SLC44A5: variants seen among roughly 807,000 people sequenced by gnomAD.
SLC44A5 encodes the protein choline transporter-like protein 5.
SLC44A5 carries 57 observed loss-of-function variants against 101.8 expected under a neutral mutation model. The observed-to-expected ratio is 0.56, with a 90% confidence interval of 0.45 to 0.70. SLC44A5 has a LOEUF of 0.70. SLC44A5 is among the 30% of genes least tolerant of loss of function. SLC44A5 has a pLI of 0.00. For missense variants in SLC44A5, 737 were observed against 853.1 expected, an observed-to-expected ratio of 0.86 and a Z score of 1.70; for synonymous variants, 281 against 290.9, an observed-to-expected ratio of 0.97 and a Z score of 0.35.
intron 3 of SLC44A5, among the ~76,000 whole-genome samples, chr1:75,365,381 C>T (rs930680608): frequency 2.6e-5 from 4 of 152,112 alleles, no homozygotes; most frequent in African/African-American, 9.7e-5. Flanking sequence ...TCTAAGTGTT[C>T]TTATCATTTA....
chr1:75,402,022 T>A lies in SLC44A5; in HGVS notation c.14-5401A>T, dbSNP rs372742069. On this transcript the variant is annotated intron_variant, in intron 2 of 23. Coordinates refer to ENST00000370859, the MANE Select transcript of SLC44A5 (RefSeq NM_001130058.2). The stretch of plus-strand genomic sequence containing the variant: ...CACACATGAAGCACCTCACCAAGAG[T>A]GAAGAAAGTTGATAGTTAAGATGAC... 2.8e-4 allele frequency among the ~76,000 whole-genome samples: 42 copies of A among 148,846 alleles called. No individual in the cohort carries two copies. In the South Asian group the frequency reaches 8.9e-3, roughly 31 times the overall value.
At position 75,416,865 on chromosome 1, in the gene SLC44A5, G is replaced by T. The variant is rs138475661; in HGVS notation, c.14-20244C>A. Among the ~76,000 whole-genome samples, 673 of 152,324 alleles carry T rather than the reference G, an allele frequency of 4.4e-3. 6 individuals are homozygous for T. Among genetic ancestry groups the T allele is most frequent in the African/African-American group, 0.016 (653 of 41,578 alleles). On this transcript the variant is annotated intron_variant, in intron 2 of 23. Coordinates refer to ENST00000370859, the MANE Select transcript of SLC44A5 (RefSeq NM_001130058.2). ...TTGGCCAATTTCTCCCATTTGGAAT[G>T]ACTGTATTTATCCAATGCCTGTACC... is the stretch of plus-strand genomic sequence containing the variant.
intron 2 of SLC44A5, among the ~76,000 whole-genome samples, chr1:75,489,063 G>A (rs1038753655): frequency 9.9e-5 from 15 of 151,940 alleles, no homozygotes; most frequent in Non-Finnish European, 1.6e-4. Context: ...GGTCAGGCTC[G>A]TCTCAAACTC....
chr1:75,285,015 C>A (rs1174017464), intron 5 of SLC44A5, among the ~76,000 whole-genome samples: 1 of 151,956 alleles, frequency 6.6e-6, no homozygotes, highest in Non-Finnish European at 1.5e-5. Context: ...TAGGGTGATA[C>A]TGGCTTCATA....
chr1:75,476,991 G>T (rs939989416), intron 2 of SLC44A5, among the ~76,000 whole-genome samples: 3 of 152,220 alleles, frequency 2.0e-5, no homozygotes, highest in Admixed American at 6.5e-5. Flanking sequence ...CAGCCTAACT[G>T]GGAGGCACCC....
At chr1:75,233,784 T>C (rs916548959) in intron 12 of SLC44A5, among the ~76,000 whole-genome samples, 1 of 152,120 alleles carries the variant, frequency 6.6e-6, no homozygotes, top group Non-Finnish European at 1.5e-5. Context: ...TCTGACAGCA[T>C]TTTTTCCCCA....
intron 5 of SLC44A5, among the ~76,000 whole-genome samples, chr1:75,282,669 T>C (rs1557617833): frequency 6.6e-6 from 1 of 152,134 alleles, no homozygotes; most frequent in Non-Finnish European, 1.5e-5. Context: ...GTGCTGTTCT[T>C]GTGATAGTGA....
chr1:75,316,736 C>T (rs1655719009), intron 4 of SLC44A5, among the ~76,000 whole-genome samples: 1 of 152,160 alleles, frequency 6.6e-6, no homozygotes, highest in Admixed American at 6.5e-5. Flanking sequence ...TTTTACAATG[C>T]TTCTTTTCTC....
At chr1:75,456,790 A>C (rs1004631224) in intron 2 of SLC44A5, among the ~76,000 whole-genome samples, 2 of 152,262 alleles carry the variant, frequency 1.3e-5, no homozygotes, top group Non-Finnish European at 2.9e-5. Context: ...TATACTAGAA[A>C]GTTGTGCCTG....
intron 2 of SLC44A5, among the ~76,000 whole-genome samples, chr1:75,418,292 C>A (rs890498941): frequency 6.6e-6 from 1 of 152,014 alleles, no homozygotes; most frequent in Non-Finnish European, 1.5e-5. Context: ...CAAGAACGTA[C>A]AAAATAGATA....
intron 2 of SLC44A5, among the ~76,000 whole-genome samples, chr1:75,501,113 G>C (rs1668935510): frequency 6.6e-6 from 1 of 151,988 alleles, no homozygotes; most frequent in Non-Finnish European, 1.5e-5. Context: ...AGTTTGTATT[G>C]ATATATAAGA....
intron 2 of SLC44A5, among the ~76,000 whole-genome samples, chr1:75,535,150 A>C (rs1670928796): frequency 6.6e-6 from 1 of 151,670 alleles, no homozygotes; most frequent in Non-Finnish European, 1.5e-5. Context: ...ACCTAAGGAA[A>C]CCAGGATAAC....
chr1:75,245,980 C>T (rs1225853708), intron 7 of SLC44A5, among the ~76,000 whole-genome samples: 1 of 152,096 alleles, frequency 6.6e-6, no homozygotes, highest in Non-Finnish European at 1.5e-5. Flanking sequence ...ACAAAAACAT[C>T]GTGCATAGAA....
At position 75,306,884 on chromosome 1, in the gene SLC44A5, G is replaced by A. The variant is rs1654952797; in HGVS notation, c.102-6199C>T. Among the ~76,000 whole-genome samples the A allele has an allele frequency of 4.6e-5, 7 of 151,644 alleles. No homozygotes were observed. The South Asian group carries it at 1.3e-3, about 27-fold the overall frequency. The stretch of plus-strand genomic sequence containing the variant: ...CGAGTAGCTGGGACTACAGGCGCCC[G>A]CCATCACGCCCGGCTAATTTTTTTT... On this transcript the variant is annotated intron_variant, in intron 4 of 23. Coordinates refer to ENST00000370859, the MANE Select transcript of SLC44A5 (RefSeq NM_001130058.2).
At chr1:75,361,470 G>A (rs1384432384) in intron 3 of SLC44A5, among the ~76,000 whole-genome samples, 1 of 152,008 alleles carries the variant, frequency 6.6e-6, no homozygotes, top group Non-Finnish European at 1.5e-5. Context: ...TTCACAGTAT[G>A]TTAGCTGTGG....
chr1:75,248,608 T>C (rs648363), intron 7 of SLC44A5, among the ~76,000 whole-genome samples: 111,100 of 151,922 alleles, frequency 0.73, 40,791 homozygotes, highest in East Asian at 0.93. Context: ...GAAAGAGATC[T>C]TGGAAGTTCC....
chr1:75,294,087 T>G (rs751180056), intron 5 of SLC44A5, among the ~76,000 whole-genome samples: 4 of 152,198 alleles, frequency 2.6e-5, no homozygotes, highest in Non-Finnish European at 5.9e-5. Context: ...TTTCTAAAAA[T>G]TCTTACTTTT....
intron 1 of SLC44A5, among the ~76,000 whole-genome samples, chr1:75,554,802 A>T (rs1049160351): frequency 2.0e-5 from 3 of 152,126 alleles, no homozygotes; most frequent in Non-Finnish European, 4.4e-5. Flanking sequence ...AAATATTATT[A>T]TGGAAGTAGG....
At chr1:75,450,067 G>C (rs1395235944) in intron 2 of SLC44A5, among the ~76,000 whole-genome samples, 2 of 152,122 alleles carry the variant, frequency 1.3e-5, no homozygotes, top group Non-Finnish European at 2.9e-5. Flanking sequence ...AATTCAAGAA[G>C]AAAAATGAAA....
Sources: allele counts gnomAD v4.1 joint callset (sites outside exome capture counted in the v4.1 genomes callset), GRCh38; gene constraint gnomAD v4.1.1; transcripts MANE v1.5; gene names NCBI Gene and HGNC (gene_info 2026-07-23, HGNC 2026-07-21).